Variants in NFKBIZ observed in about 807,000 individuals in gnomAD.
The protein encoded by NFKBIZ is NF-kappa-B inhibitor zeta.
NFKBIZ carries 19 observed loss-of-function variants against 76.8 expected under a neutral mutation model. That is an observed-to-expected ratio of 0.25 (90% CI 0.17 to 0.36). The LOEUF (loss-of-function observed/expected upper bound fraction) is 0.36. Ranked by LOEUF, NFKBIZ falls within the 10% of genes least tolerant of loss-of-function variation. The probability of loss-of-function intolerance (pLI) is 1.00; values close to 1 mark genes in which losing one functional copy is unlikely to be tolerated. For synonymous variants in NFKBIZ, 368 were observed against 354.8 expected (o/e 1.04, Z -0.42); for missense variants, 829 against 910.9 (o/e 0.91, Z 1.16).
rs368611410 is a variant in NFKBIZ, at chr3:101,853,486, C to G, written c.960C>G (p.Pro320=). 33 of 1,614,130 alleles carry G rather than the reference C, an allele frequency of 2.0e-5. No individual in the cohort carries two copies. The highest frequency in any genetic ancestry group is 1.0e-4 in the Admixed American group (6 of 60,010). ...CTTTTCCCATACCTCCCCAGTCCCC[C>G]GCTTATGAACCAAACCTCTTTGATG... is the stretch of plus-strand genomic sequence containing the variant. The part of the protein sequence containing the change: ...YSPFPIPPQS[P]AYEPNLFDGP... Residue 320 remains proline, a synonymous_variant, in exon 5 of 12, where the codon CCC becomes CCG. Coordinates refer to ENST00000326172, the MANE Select transcript of NFKBIZ (RefSeq NM_031419.4).
rs1427559275 is a variant in NFKBIZ, at chr3:101,849,542, C to T, written c.-87C>T. 5.9e-6 allele frequency: 7 copies of T among 1,182,798 alleles called. No individual in the cohort carries two copies. Among genetic ancestry groups the T allele is most frequent in the African/African-American group, 3.2e-5 (2 of 62,122 alleles). The allele number at this position is 1,182,798 out of a possible 1,614,324, so 73.3% of individuals were successfully genotyped here. On this transcript the variant is annotated 5_prime_UTR_variant, in exon 1 of 12. Transcript: ENST00000326172. ...CTGGCCCGCGCCGTCCGCCCGCCGA[C>T]AGCTCCCTGAGCCAGCCCGGGAGGC...
At chr3:101,842,418 C>T (rs1046386318) in intron 2 of NFKBIZ, among the ~76,000 whole-genome samples, 1 of 152,192 alleles carries the variant, frequency 6.6e-6, no homozygotes, top group Admixed American at 6.5e-5. Flanking sequence ...TAGAGAGCCA[C>T]TGAAGGATTT....
chr3:101,857,485 G>T, intron 11 of NFKBIZ, 26 bp downstream of exon 11: 1 of 1,612,536 alleles, frequency 6.2e-7, no homozygotes. Flanking sequence ...GGGAGAGGAA[G>T]TATTTTTTGG....
chr3:101,846,100 A>C (rs1560085218), upstream of NFKBIZ, among the ~76,000 whole-genome samples: 2 of 152,208 alleles, frequency 1.3e-5, 1 homozygote, highest in East Asian at 3.8e-4. Flanking sequence ...GTGTCTCGTA[A>C]GACTATAGTC....
upstream of NFKBIZ, among the ~76,000 whole-genome samples, chr3:101,845,294 C>CAT (rs1226307626): frequency 7.6e-6 from 1 of 131,186 alleles, no homozygotes; most frequent in African/African-American, 2.8e-5. Context: ...AATCCAATTC[C>CAT]TTTTTTTTTT....
chr3:101,842,227 G>A (rs564415581), intron 2 of NFKBIZ, among the ~76,000 whole-genome samples: 1 of 152,312 alleles, frequency 6.6e-6, no homozygotes, highest in South Asian at 2.1e-4. Flanking sequence ...TGGGTATTAA[G>A]TGAGCATGAG....
intron 2 of NFKBIZ, among the ~76,000 whole-genome samples, chr3:101,838,038 T>C (rs1942744851): frequency 6.6e-6 from 1 of 152,246 alleles, no homozygotes; most frequent in African/African-American, 2.4e-5. Flanking sequence ...TTTGATTGCA[T>C]ACGTGTGAAA....
intron 2 of NFKBIZ, among the ~76,000 whole-genome samples, chr3:101,839,409 AGAT>A (rs1942761035): frequency 6.6e-6 from 1 of 152,182 alleles, no homozygotes; most frequent in African/African-American, 2.4e-5. Flanking sequence ...AGGGGGAAGA[AGAT>A]TTTGGATATG....
upstream of NFKBIZ, among the ~76,000 whole-genome samples, chr3:101,847,864 C>T (rs7615030): frequency 6.6e-6 from 1 of 152,214 alleles, no homozygotes; most frequent in Non-Finnish European, 1.5e-5. Context: ...CGTGTCCCCC[C>T]CTTCGTCCTA....
intron 3 of NFKBIZ, 28 bp from the exon 4 acceptor site, chr3:101,852,858 G>A (rs1942989075): frequency 6.2e-7 from 1 of 1,605,402 alleles, no homozygotes; most frequent in Non-Finnish European, 8.5e-7. Flanking sequence ...ATAAAATGAT[G>A]ACAGAGGCTG....
intron 2 of NFKBIZ, 49 bp from the exon 3 acceptor site, chr3:101,852,689 A>G (rs1942985554): frequency 1.5e-6 from 2 of 1,330,516 alleles, no homozygotes; most frequent in East Asian, 2.3e-5. Flanking sequence ...ATGTATATTA[A>G]GAGGAAGTCA....
At chr3:101,840,707 A>T (rs1284449935) in intron 2 of NFKBIZ, among the ~76,000 whole-genome samples, 1 of 152,198 alleles carries the variant, frequency 6.6e-6, no homozygotes, top group East Asian at 1.9e-4. Context: ...TTTATAAGGC[A>T]TCTGTTTATT....
chr3:101,834,294 C>T (rs780064113), intron 2 of NFKBIZ, among the ~76,000 whole-genome samples: 2 of 151,962 alleles, frequency 1.3e-5, no homozygotes, highest in Admixed American at 1.3e-4. Context: ...CCTGCCCTGC[C>T]CTGCCCTTCC....
Position 101,859,516 on chromosome 3 carries a change from G to C in NFKBIZ, c.*145G>C. The C allele has an allele frequency of 2.0e-6, 1 of 494,596 alleles. No individual in the cohort carries two copies. Among genetic ancestry groups the C allele is most frequent in the Non-Finnish European group, 3.6e-6 (1 of 276,502 alleles). 30.6% of individuals were successfully genotyped at this position (494,596 alleles called of 1,614,324 possible). On this transcript the variant is annotated 3_prime_UTR_variant, in exon 12 of 12. Transcript: ENST00000326172. Reference sequence around the variant, plus strand: ...TATTTAGTTCACTATTATATAGTGGGTTATATTAAAAGAAAAGAAGAAAAA... The same window carrying C: ...TATTTAGTTCACTATTATATAGTGGCTTATATTAAAAGAAAAGAAGAAAAA...
At chr3:101,828,514 G>C (rs936983481) in intron 1 of NFKBIZ, among the ~76,000 whole-genome samples, 2 of 152,156 alleles carry the variant, frequency 1.3e-5, no homozygotes, top group African/African-American at 4.8e-5. Flanking sequence ...CAGTGACCTA[G>C]AACTATGATA....
At chr3:101,851,173 T>C (rs887749702) in intron 1 of NFKBIZ, among the ~76,000 whole-genome samples, 1 of 152,256 alleles carries the variant, frequency 6.6e-6, no homozygotes, top group African/African-American at 2.4e-5. Context: ...TTGCCCCATC[T>C]TATTTTTGTA....
At chr3:101,835,647 G>A (rs1348815410) in intron 2 of NFKBIZ, among the ~76,000 whole-genome samples, 1 of 152,160 alleles carries the variant, frequency 6.6e-6, no homozygotes, top group South Asian at 2.1e-4. Flanking sequence ...AAAGATACCA[G>A]TCAGATTAGA....
chr3:101,842,737 G>A (rs1414950505), intron 2 of NFKBIZ, among the ~76,000 whole-genome samples: 1 of 151,666 alleles, frequency 6.6e-6, no homozygotes, highest in Non-Finnish European at 1.5e-5. Context: ...AAGAATTCCT[G>A]GCATTCCAGC....
chr3:101,851,225 G>T (rs768532320), intron 1 of NFKBIZ, among the ~76,000 whole-genome samples: 1 of 152,216 alleles, frequency 6.6e-6, no homozygotes, highest in African/African-American at 2.4e-5. Context: ...CTGACTTTGT[G>T]AATTTGTGTT....
Sources: allele counts gnomAD v4.1 joint callset (sites outside exome capture counted in the v4.1 genomes callset), GRCh38; gene constraint gnomAD v4.1.1; transcripts MANE v1.5; gene names NCBI Gene and HGNC (gene_info 2026-07-23, HGNC 2026-07-21).